The following LAMA3 variants were observed in gnomAD, a reference collection of about 807,000 sequenced individuals.
The protein encoded by LAMA3 is laminin subunit alpha 3, also known as laminin subunit alpha-3.
LAMA3 carries 281 observed loss-of-function variants against 402.0 expected under a neutral mutation model. That is an observed-to-expected ratio of 0.70 (90% CI 0.63 to 0.77). The LOEUF is 0.77. Among genes scored for constraint, LAMA3 ranks in the 30% least tolerant of loss-of-function variants. The probability of loss-of-function intolerance (pLI) is 0.00; values close to 1 mark genes in which losing one functional copy is unlikely to be tolerated. For synonymous variants in LAMA3, 1,431 were observed against 1,558.4 expected, an observed-to-expected ratio of 0.92 and a Z score of 1.93; for missense variants, 3,840 against 4,215.5, an observed-to-expected ratio of 0.91 and a Z score of 2.47.
In LAMA3 at chr18:23,949,924, G is replaced by A. The variant is rs752440720; in HGVS notation, c.9511G>A (p.Ala3171Thr). 1 of 1,614,044 alleles carries A rather than the reference G, an allele frequency of 6.2e-7. No homozygotes were observed. Among genetic ancestry groups the A allele is most frequent in the Non-Finnish European group, 8.5e-7 (1 of 1,180,026 alleles). ...TGAAGAAGGAGGTCATGTCGTCTTG[G>A]GTAAGGAGCAGTTCTATAGAATTTA... is the stretch of plus-strand genomic sequence containing the variant. ...FSEEGGHVVL[A>T]HSVLLGPEFK... Residue 3171 changes from alanine (A) to threonine (T), a missense_variant and splice_region_variant, in exon 71 of 75, where the codon GCT (alanine) becomes ACT (threonine). Physicochemically the swap from Ala to Thr is moderately conservative, Grantham distance 58. Around this residue, in one of 3 missense-constraint regions of LAMA3, gnomAD observed 840 missense variants for 981.9 expected, o/e 0.86. Coordinates refer to ENST00000313654, the MANE Select transcript of LAMA3 (RefSeq NM_198129.4).
At chr18:23,775,955 C>G in intron 10 of LAMA3, 32 bp downstream of exon 10, 5 of 1,613,716 alleles carry the variant, frequency 3.1e-6, no homozygotes, top group Non-Finnish European at 4.2e-6. Context: ...AGAGGCCACC[C>G]TTTTTGGTCC....
intron 46 of LAMA3, 71 bp from the exon 47 acceptor site, chr18:23,899,217 C>CTTTTT: frequency 8.8e-7 from 1 of 1,137,988 alleles, no homozygotes; most frequent in Non-Finnish European, 1.2e-6. Flanking sequence ...AAGTTTCTAC[C>CTTTTT]TTTTTTTTTT....
Position 23,747,951 on chromosome 18 carries a change from T to A in LAMA3, c.456T>A (p.His152Gln). The A allele has an allele frequency of 6.4e-7, 1 of 1,565,506 alleles. No homozygotes were observed. The highest frequency in any genetic ancestry group is 8.8e-7 in the Non-Finnish European group (1 of 1,135,618). ...CTCTTTTGTTTTATCAGCTCTTCCA[T>A]GTGGCCTATATTTTAATCAAATTTG... Reference protein sequence around the residue: ...NLTLDLGQLFHVAYILIKFAN... With the variant: ...NLTLDLGQLFQVAYILIKFAN... The change falls in exon 3 of 75, where the codon CAT (histidine) becomes CAA (glutamine). Residue 152 changes from histidine to glutamine, a missense_variant. Coordinates refer to ENST00000313654, the MANE Select transcript of LAMA3 (RefSeq NM_198129.4).
chr18:23,777,387 A>C (rs2062345112), intron 10 of LAMA3, among the ~76,000 whole-genome samples, 170 bp from the exon 11 acceptor site: 1 of 152,204 alleles, frequency 6.6e-6, no homozygotes, highest in Admixed American at 6.5e-5. Context: ...GTCTGGTTTC[A>C]GTTACTAAAC....
intron 36 of LAMA3, among the ~76,000 whole-genome samples, chr18:23,867,220 G>T (rs549605757): frequency 1.3e-5 from 2 of 152,154 alleles, no homozygotes; most frequent in Admixed American, 1.3e-4. Context: ...GGCCAGTAAT[G>T]AAAACAGCAC....
At chr18:23,926,985 G>T (rs2082020881) in intron 62 of LAMA3, among the ~76,000 whole-genome samples, 1 of 152,120 alleles carries the variant, frequency 6.6e-6, no homozygotes, top group South Asian at 2.1e-4. Flanking sequence ...TATTCCCATT[G>T]TCTAAATGAG....
chr18:23,737,317 G>T (rs970299733), intron 2 of LAMA3, among the ~76,000 whole-genome samples: 2 of 152,202 alleles, frequency 1.3e-5, no homozygotes, highest in African/African-American at 4.8e-5. Context: ...CCCAGCCTAT[G>T]CTGATGGGGC....
In LAMA3 at chr18:23,844,889, G is replaced by T; in HGVS notation, c.3604-120G>T. Reference sequence around the variant, plus strand: ...TCATGTCAGTGCTCAAAAAGTTTCAGATTTTGAAGCATTTCAGATTTTGGA... The same window carrying T: ...TCATGTCAGTGCTCAAAAAGTTTCATATTTTGAAGCATTTCAGATTTTGGA... On this transcript the variant is annotated intron_variant, in intron 29 of 74. Coordinates refer to ENST00000313654, the MANE Select transcript of LAMA3 (RefSeq NM_198129.4). 5.6e-6 allele frequency: 4 copies of T among 711,030 alleles called. No homozygotes were observed. The South Asian group carries it at 6.0e-5, about 11-fold the overall frequency. 44.0% of individuals were successfully genotyped at this position (711,030 alleles called of 1,614,324 possible). A position where few individuals can be genotyped will look rare whatever the true frequency, so the allele number is the denominator to read the frequency against.
chr18:23,707,059 C>T (rs1235137285), intron 1 of LAMA3, among the ~76,000 whole-genome samples: 1 of 152,198 alleles, frequency 6.6e-6, no homozygotes, highest in East Asian at 1.9e-4. Flanking sequence ...GCCTGGGCAA[C>T]AAGAGTGAAA....
At chr18:23,922,450 C>G (rs911185368) in intron 62 of LAMA3, among the ~76,000 whole-genome samples, 7 of 152,220 alleles carry the variant, frequency 4.6e-5, no homozygotes, top group Admixed American at 1.3e-4. Flanking sequence ...ATGTGGGCGT[C>G]TGTCCATTCT....
intron 68 of LAMA3, among the ~76,000 whole-genome samples, chr18:23,942,277 T>C (rs982481693): frequency 2.0e-5 from 3 of 152,238 alleles, no homozygotes; most frequent in African/African-American, 7.2e-5. Context: ...CTTAAGACGT[T>C]AGCCACAGGA....
At chr18:23,764,125 TTTAGGTGTTTTG>T (rs766212885) in intron 8 of LAMA3, among the ~76,000 whole-genome samples, 1 of 152,120 alleles carries the variant, frequency 6.6e-6, no homozygotes, top group Non-Finnish European at 1.5e-5. Flanking sequence ...CTTGTGTTCT[TTTAGGTGTTTTG>T]TTAATGTTAC....
At chr18:23,937,537 A>C (rs1182700559) in intron 67 of LAMA3, among the ~76,000 whole-genome samples, 2 of 152,208 alleles carry the variant, frequency 1.3e-5, no homozygotes, top group African/African-American at 4.8e-5. Context: ...GGTGTCCATG[A>C]GGACCAAGAT....
Position 23,751,028 on chromosome 18 carries a change from C to A in LAMA3, c.795C>A (p.Thr265=), listed in dbSNP as rs1476183130. 1.9e-6 allele frequency: 3 copies of A among 1,614,136 alleles called. No homozygotes were observed. Among genetic ancestry groups the A allele is most frequent in the Non-Finnish European group, 1.7e-6 (2 of 1,180,014 alleles). ...ACATCCGCTTGCGTTTTCTTAGAAC[C>A]AATACGCTTCTTGGACACCTCATCT... ...ATNIRLRFLR[T]NTLLGHLISK... is the part of the protein sequence containing the mutation. Residue 265 remains threonine (T), a synonymous_variant, in exon 5 of 75, where the codon ACC becomes ACA. Transcript: ENST00000313654.
intron 11 of LAMA3, among the ~76,000 whole-genome samples, chr18:23,778,711 G>T (rs1327512917): frequency 6.6e-6 from 1 of 152,206 alleles, no homozygotes; most frequent in Non-Finnish European, 1.5e-5. Context: ...CCTACCCCAG[G>T]GCGCCAGCAG....
At chr18:23,809,543 G>A (rs1033044972) in intron 12 of LAMA3, among the ~76,000 whole-genome samples, 2 of 152,158 alleles carry the variant, frequency 1.3e-5, no homozygotes, top group Non-Finnish European at 2.9e-5. Context: ...CAATGCAAAT[G>A]GGGACGACCT....
Position 23,908,036 on chromosome 18 carries a change from C to A in LAMA3, c.7015+101C>A, listed in dbSNP as rs2081307784. 5.1e-6 allele frequency: 6 copies of A among 1,178,744 alleles called. No individual in the cohort carries two copies. The South Asian group carries it at 6.2e-5, about 12-fold the overall frequency. 73.0% of individuals were successfully genotyped at this position (1,178,744 alleles called of 1,614,324 possible). On this transcript the variant is annotated intron_variant, in intron 54 of 74. Coordinates refer to ENST00000313654, the MANE Select transcript of LAMA3 (RefSeq NM_198129.4). ...CCCTGGTAAAGTCTGATCTCAGAAA[C>A]TAAAACATTAGAAAACAGCTCCACC...
chr18:23,825,927 A>G (rs1429049920), intron 21 of LAMA3, among the ~76,000 whole-genome samples: 1 of 152,200 alleles, frequency 6.6e-6, no homozygotes, highest in Non-Finnish European at 1.5e-5. Flanking sequence ...CTAGTAGAAC[A>G]GTAACCCTTT....
chr18:23,914,375 A>G (rs368123363), intron 56 of LAMA3, 35 bp from the exon 57 acceptor site: 3 of 1,613,498 alleles, frequency 1.9e-6, no homozygotes, highest in Non-Finnish European at 2.5e-6. Context: ...AGAAACCACA[A>G]TGTGAAGTGT....
Sources: allele counts gnomAD v4.1 joint callset (sites outside exome capture counted in the v4.1 genomes callset), GRCh38; gene constraint gnomAD v4.1.1; regional missense constraint gnomAD v4.1.1; transcripts MANE v1.5; gene names NCBI Gene and HGNC (gene_info 2026-07-23, HGNC 2026-07-21).